Variants in SNTG1 observed in about 807,000 individuals in gnomAD.
The protein encoded by SNTG1 is syntrophin gamma 1.
SNTG1 carries 39 observed loss-of-function variants against 74.7 expected under a neutral mutation model. The ratio of observed to expected loss-of-function variants is 0.52; its 90% CI spans 0.40 to 0.68. The LOEUF (loss-of-function observed/expected upper bound fraction) is 0.68. Among genes scored for constraint, SNTG1 ranks in the 30% least tolerant of loss-of-function variants. The pLI is 0.00. For missense variants in SNTG1, 685 were observed against 609.5 expected, an observed-to-expected ratio of 1.12 and a Z score of -1.30; for synonymous variants, 254 against 217.1, an observed-to-expected ratio of 1.17 and a Z score of -1.49.
chr8:50,765,646 A>G (rs971187739), intron 18 of SNTG1, among the ~76,000 whole-genome samples: 2 of 151,978 alleles, frequency 1.3e-5, no homozygotes, highest in African/African-American at 4.8e-5. Context: ...GCCATTTTTT[A>G]AAAGAAAAAT....
At chr8:50,603,025 A>C (rs1336313551) in intron 13 of SNTG1, among the ~76,000 whole-genome samples, 1 of 148,292 alleles carries the variant, frequency 6.7e-6, no homozygotes, top group Non-Finnish European at 1.5e-5. Context: ...TTGGTGCTTT[A>C]TAACCTTCTT....
chr8:50,108,374 G>A (rs1036495090), intron 1 of SNTG1, among the ~76,000 whole-genome samples: 2 of 152,124 alleles, frequency 1.3e-5, no homozygotes, highest in African/African-American at 2.4e-5. Context: ...GCAGGTCAAA[G>A]GTTGATGTTG....
intron 1 of SNTG1, among the ~76,000 whole-genome samples, chr8:50,115,377 G>C (rs1192226647): frequency 6.6e-6 from 1 of 151,726 alleles, no homozygotes; most frequent in Non-Finnish European, 1.5e-5. Flanking sequence ...GATCAGCCTG[G>C]CTAACATGGT....
At chr8:50,309,045 T>C (rs894903065) in intron 2 of SNTG1, among the ~76,000 whole-genome samples, 5 of 152,174 alleles carry the variant, frequency 3.3e-5, no homozygotes, top group African/African-American at 1.2e-4. Flanking sequence ...TAGGCATTTA[T>C]AGTCATCTGG....
At chr8:50,660,184 A>AAAAG (rs768327177) in intron 15 of SNTG1, among the ~76,000 whole-genome samples, 1 of 151,348 alleles carries the variant, frequency 6.6e-6, no homozygotes, top group Non-Finnish European at 1.5e-5. Flanking sequence ...TTAGGGGAAG[A>AAAAG]AAAGAAAGAA....
At chr8:50,178,438 A>G (rs953574809) in intron 2 of SNTG1, among the ~76,000 whole-genome samples, 3 of 151,294 alleles carry the variant, frequency 2.0e-5, no homozygotes, top group Non-Finnish European at 4.4e-5. Context: ...GGGATAGTTT[A>G]GGAAATTGTT....
intron 2 of SNTG1, among the ~76,000 whole-genome samples, chr8:50,208,073 CTAT>C (rs1411864868): frequency 6.6e-6 from 1 of 152,148 alleles, no homozygotes; most frequent in Non-Finnish European, 1.5e-5. Flanking sequence ...CTCTAGATGT[CTAT>C]TAAGTCCACT....
At chr8:50,519,367 G>A (rs2094160435) in intron 9 of SNTG1, among the ~76,000 whole-genome samples, 1 of 152,102 alleles carries the variant, frequency 6.6e-6, no homozygotes, top group Non-Finnish European at 1.5e-5. Flanking sequence ...GGCAAAAGCT[G>A]GAAGCATTCC....
rs2132013115 is a variant in SNTG1, at chr8:50,224,282, A to T, written c.-28+51647A>T. Among the ~76,000 whole-genome samples, 3 of 152,326 alleles carry T rather than the reference A, an allele frequency of 2.0e-5. No homozygotes were observed. In the South Asian group the frequency reaches 6.2e-4, roughly 32 times the overall value. On this transcript the variant is annotated intron_variant, in intron 2 of 18. Coordinates refer to ENST00000642720, the MANE Select transcript of SNTG1 (RefSeq NM_018967.5). ...TTAAAACAAGGGAAAAGTGACATAGATTACACACACAGATTTTTCAAGCAC... is the reference window on the plus strand; with the variant it reads ...TTAAAACAAGGGAAAAGTGACATAGTTTACACACACAGATTTTTCAAGCAC...
At chr8:50,659,512 C>T (rs1466631506) in intron 15 of SNTG1, among the ~76,000 whole-genome samples, 1 of 152,122 alleles carries the variant, frequency 6.6e-6, no homozygotes, top group Non-Finnish European at 1.5e-5. Context: ...TAATAAAATG[C>T]ATCAAAAGTG....
intron 11 of SNTG1, among the ~76,000 whole-genome samples, chr8:50,549,662 A>G (rs1286032182): frequency 6.6e-6 from 1 of 151,486 alleles, no homozygotes; most frequent in Non-Finnish European, 1.5e-5. Flanking sequence ...CCGATCACCA[A>G]CTTCATGGAT....
chr8:50,598,910 A>T (rs1326046593), intron 13 of SNTG1, among the ~76,000 whole-genome samples: 2 of 151,852 alleles, frequency 1.3e-5, no homozygotes, highest in Non-Finnish European at 1.5e-5. Context: ...TTCTATGTTG[A>T]TTGCATATTC....
chr8:50,483,746 G>A (rs557810767), intron 8 of SNTG1, among the ~76,000 whole-genome samples: 1 of 152,254 alleles, frequency 6.6e-6, no homozygotes, highest in African/African-American at 2.4e-5. Context: ...CAAATATTTA[G>A]CAACTGTATT....
intron 1 of SNTG1, among the ~76,000 whole-genome samples, chr8:50,138,221 G>A (rs1385054758): frequency 1.3e-5 from 2 of 151,752 alleles, no homozygotes; most frequent in Non-Finnish European, 2.9e-5. Flanking sequence ...TCACACATAT[G>A]TTTTCCACGG....
intron 2 of SNTG1, among the ~76,000 whole-genome samples, chr8:50,274,380 C>T (rs886132576): frequency 9.2e-5 from 14 of 151,968 alleles, no homozygotes; most frequent in African/African-American, 3.4e-4. Context: ...AGCCACAGCA[C>T]CCGGCAATAT....
intron 3 of SNTG1, among the ~76,000 whole-genome samples, chr8:50,397,138 A>T (rs906590773): frequency 2.6e-5 from 4 of 152,252 alleles, no homozygotes; most frequent in African/African-American, 9.6e-5. Flanking sequence ...TAAATGAATC[A>T]TCCCTTTAAA....
rs558537873 is a variant in SNTG1, at chr8:50,383,958, T to C, written c.-27-10254T>C. 3.3e-5 allele frequency among the ~76,000 whole-genome samples: 5 copies of C among 152,096 alleles called. No individual in the cohort carries two copies. In the South Asian group the frequency reaches 8.3e-4, roughly 25 times the overall value. On this transcript the variant is annotated intron_variant, in intron 2 of 18. Coordinates refer to ENST00000642720, the MANE Select transcript of SNTG1 (RefSeq NM_018967.5). ...ATGAAATCATTGTTGGATCTCCTAA[T>C]AGAAACATTCTTCACTGTGGAATGA...
At position 50,115,576 on chromosome 8, in the gene SNTG1, A is replaced by AAAAAACAAAAAAAAAAAAAC. The variant is rs1554580681; in HGVS notation, c.-102-56980_-102-56979insCAAAAAAAAAAAAACAAAAA. Among the ~76,000 whole-genome samples, 4 of 82,908 alleles carry AAAAAACAAAAAAAAAAAAAC rather than the reference A, an allele frequency of 4.8e-5. 1 individual carries two copies. Among genetic ancestry groups the AAAAAACAAAAAAAAAAAAAC allele is most frequent in the South Asian group, 5.1e-4 (1 of 1,980 alleles). 54.4% of individuals were successfully genotyped at this position (82,908 alleles called of 152,430 possible). A position where few individuals can be genotyped will look rare whatever the true frequency, so the allele number is the denominator to read the frequency against. ...GAGCGAGACTCTGTCTCAAAAAAAA[A>AAAAAACAAAAAAAAAAAAAC]AAAAAAAAAAACGAGATGGTTGAAG... On this transcript the variant is annotated intron_variant, in intron 1 of 18. Transcript: ENST00000642720.
intron 1 of SNTG1, among the ~76,000 whole-genome samples, chr8:50,051,239 G>GACACACACACACACAC (rs145739550): frequency 2.7e-5 from 4 of 147,222 alleles, no homozygotes; most frequent in Admixed American, 6.8e-5. Flanking sequence ...AGAAAATCTT[G>GACACACACACACACAC]ACACACACAC....
Sources: gnomAD v4.1 joint callset for allele counts (sites outside exome capture counted in the v4.1 genomes callset) on GRCh38, gnomAD v4.1.1 for gene constraint, MANE v1.5 for transcripts, NCBI Gene and HGNC (gene_info 2026-07-23, HGNC 2026-07-21) for gene names.